RBM10: variants seen among roughly 807,000 people sequenced by gnomAD.
RBM10 encodes the protein RNA-binding protein 10.
In RBM10, 1 loss-of-function variant was observed where a neutral mutation model predicts 84.9. The observed-to-expected ratio is 0.01, with a 90% CI of 0.00 to 0.06. The LOEUF is 0.06. Ranked by LOEUF, RBM10 falls within the 10% of genes least tolerant of loss-of-function variation. The probability of loss-of-function intolerance (pLI) is 1.00; values close to 1 mark genes in which losing one functional copy is unlikely to be tolerated. For synonymous variants in RBM10, 326 were observed against 344.5 expected (o/e 0.95, Z 0.60); for missense variants, 438 against 839.0 (o/e 0.52, Z 5.90).
chrX:47,172,786 G>A (rs189931673), intron 4 of RBM10, among the ~76,000 whole-genome samples: 11 of 112,342 alleles, frequency 9.8e-5, no homozygotes, highest in Admixed American at 9.4e-4. Flanking sequence ...GGCTGCCAGC[G>A]AGCCCTTTGT....
intron 5 of RBM10, among the ~76,000 whole-genome samples, chrX:47,173,922 TCTCTCTC>T (rs1934887179): frequency 6.0e-5 from 6 of 99,869 alleles, no homozygotes; most frequent in African/African-American, 1.9e-4. Flanking sequence ...TCTCTCTCTC[TCTCTCTC>T]TCTCTTTCTC....
At position 47,182,000 on chromosome X, in the gene RBM10, C is replaced by T; in HGVS notation, c.1743C>T (p.Tyr581=). 1 of 1,211,653 alleles carries T rather than the reference C, an allele frequency of 8.3e-7. No homozygotes were observed. Residue 581 remains tyrosine, a synonymous_variant, in exon 16 of 24, where the codon TAC becomes TAT. Transcript: ENST00000377604. ...AGTACGATGAGACCTCCGGCTACTA[C>T]TATGACCCCCAGACCGGCCTCTACT... ...TYQYDETSGY[Y]YDPQTGLYYD...
intron 1 of RBM10, among the ~76,000 whole-genome samples, chrX:47,145,836 G>T (rs1474994232): frequency 9.7e-6 from 1 of 102,639 alleles, no homozygotes; most frequent in Non-Finnish European, 2.0e-5. Context: ...GAGAGGGGAT[G>T]CTGCTCTGTG....
At chrX:47,174,623 C>T (rs1934979296) in intron 5 of RBM10, among the ~76,000 whole-genome samples, 1 of 111,349 alleles carries the variant, frequency 9.0e-6, no homozygotes, top group South Asian at 3.8e-4. Context: ...AGCCAGCAGC[C>T]TGCCCACCAT....
intron 6 of RBM10, among the ~76,000 whole-genome samples, chrX:47,175,414 C>T (rs935676781): frequency 9.0e-6 from 1 of 110,615 alleles, no homozygotes; most frequent in African/African-American, 3.3e-5. Flanking sequence ...CCCACTCCCC[C>T]GGGGCTGGTG....
intron 17 of RBM10, among the ~76,000 whole-genome samples, chrX:47,182,691 C>T (rs1415170545): frequency 8.9e-6 from 1 of 112,198 alleles, no homozygotes; most frequent in Non-Finnish European, 1.9e-5. Context: ...AAAAGCCCTG[C>T]AATGTTTTGT....
chrX:47,151,015 G>T (rs782511534), intron 2 of RBM10, among the ~76,000 whole-genome samples: 1 of 110,609 alleles, frequency 9.0e-6, no homozygotes, highest in African/African-American at 3.3e-5. Flanking sequence ...CAGGTCTTAT[G>T]TATTCTTTGT....
intron 6 of RBM10, 130 bp from the exon 7 acceptor site, chrX:47,176,370 C>CGGAGAGCGT: frequency 9.0e-7 from 1 of 1,114,821 alleles, no homozygotes. Flanking sequence ...TCCATCCGCT[C>CGGAGAGCGT]TCCGACCTCC....
chrX:47,145,501 G>A lies in RBM10; in HGVS notation c.-126+16G>A. 1 of 1,153,079 alleles carries A rather than the reference G, an allele frequency of 8.7e-7. No individual in the cohort carries two copies. Among genetic ancestry groups the A allele is most frequent in the South Asian group, 1.9e-5 (1 of 52,557 alleles). On this transcript the variant is annotated intron_variant, in intron 1 of 23. Transcript: ENST00000377604. ...GGCCGAGAAGGTGAGCGTCGACGCT[G>A]GTCGTGGGGGCGGAGGTAAGGGGCC... is the stretch of plus-strand genomic sequence containing the variant.
intron 1 of RBM10, 101 bp downstream of exon 1, chrX:47,145,586 A>G: frequency 3.8e-6 from 3 of 795,588 alleles, no homozygotes; most frequent in Non-Finnish European, 5.2e-6. Flanking sequence ...GATGCGCGGA[A>G]CGGAGGGGTT....
chrX:47,152,774 GACACACACACACACACACACACAC>G (rs370048928), intron 2 of RBM10, among the ~76,000 whole-genome samples: 2 of 80,363 alleles, frequency 2.5e-5, no homozygotes, highest in Non-Finnish European at 4.8e-5. Flanking sequence ...TCTTTACATA[GACACACACACACACACACACACAC>G]ACACACACAC....
intron 2 of RBM10, chrX:47,157,780 CT>C (rs147325464): frequency 0.13 from 35,862 of 274,479 alleles, no homozygotes; most frequent in East Asian, 0.17. Flanking sequence ...AGCTGCATGA[CT>C]TTTTTTTTTT....
In RBM10 at chrX:47,178,026, G is replaced by A. The variant is rs150662278; in HGVS notation, c.664-1077G>A. On this transcript the variant is annotated intron_variant, in intron 7 of 23. Transcript: ENST00000377604. ...CCACCTTCCCTCCCTCGCCATTCCC[G>A]CTGCTCATGCCAATCGTCACGCTCT... Among the ~76,000 whole-genome samples, 893 of 110,769 alleles carry A rather than the reference G, an allele frequency of 8.1e-3. 3 individuals are homozygous for A. The highest frequency in any genetic ancestry group is 0.013 in the Non-Finnish European group (713 of 52,821).
At position 47,180,220 on chromosome X, in the gene RBM10, C is replaced by T. The variant is rs2147176691; in HGVS notation, c.1071C>T (p.Ala357=). 8.3e-7 allele frequency: 1 copy of T among 1,200,870 alleles called. No individual in the cohort carries two copies. The highest frequency in any genetic ancestry group is 1.7e-5 in the African/African-American group (1 of 57,740). ...CTCCCCTCCTCCCACAGGAGGCAGC[C>T]CAGCTGCTGCAGATCCTGCAGGCCC... The part of the protein sequence containing the change: ...FIQLSTIVEA[A]QLLQILQALH... The change falls in exon 11 of 24, where the codon GCC becomes GCT. Residue 357 remains alanine, a synonymous_variant. Transcript: ENST00000377604.
rs1556779089 is a variant in RBM10, at chrX:47,181,274, C to T, written c.1308C>T (p.Ser436=). Residue 436 remains serine, a synonymous_variant, in exon 13 of 24, where the codon AGC becomes AGT. Coordinates refer to ENST00000377604, the MANE Select transcript of RBM10 (RefSeq NM_005676.5). ...ATSEEPPVDY[S]YYQQDEGYGN... ...CCGAGGAGCCGCCGGTCGACTACAG[C>T]TACTACCAACAGGATGAGGGCTATG... 2 of 1,180,593 alleles carry T rather than the reference C, an allele frequency of 1.7e-6. No homozygotes were observed. The highest frequency in any genetic ancestry group is 4.9e-5 in the Admixed American group (2 of 40,640).
intron 2 of RBM10, 27 bp from the exon 3 acceptor site, chrX:47,169,288 C>T (rs2147127187): frequency 1.7e-6 from 2 of 1,184,435 alleles, no homozygotes; most frequent in East Asian, 3.0e-5. Flanking sequence ...ACCTTCTGAT[C>T]CCTCCCCATC....
At chrX:47,173,294 C>G in intron 5 of RBM10, 97 bp downstream of exon 5, 1 of 1,169,381 alleles carries the variant, frequency 8.6e-7, no homozygotes, top group South Asian at 1.9e-5. Context: ...CCTCCACCAC[C>G]TTCCTGCCAC....
chrX:47,149,881 C>T (rs1932668726), intron 2 of RBM10, among the ~76,000 whole-genome samples: 1 of 98,431 alleles, frequency 1.0e-5, no homozygotes, highest in Admixed American at 1.2e-4. Context: ...AGTACAATGG[C>T]GCGATCTCGG....
At chrX:47,182,445 G>T in intron 17 of RBM10, 119 bp downstream of exon 17, 1 of 1,016,754 alleles carries the variant, frequency 9.8e-7, no homozygotes. Context: ...GATGTGGGCA[G>T]TGACTGCTTA....
Sources: allele counts gnomAD v4.1 joint callset (sites outside exome capture counted in the v4.1 genomes callset), GRCh38; gene constraint gnomAD v4.1.1; transcripts MANE v1.5; gene names NCBI Gene and HGNC (gene_info 2026-07-23, HGNC 2026-07-21).